Variants in DNAH14 observed in about 807,000 individuals in gnomAD.
DNAH14 encodes dynein axonemal heavy chain 14.
DNAH14 carries 478 observed loss-of-function variants against 520.9 expected under a neutral mutation model. That is an observed-to-expected ratio of 0.92 (90% CI 0.85 to 0.99). The LOEUF (loss-of-function observed/expected upper bound fraction) is 0.99, where lower values mean the gene tolerates loss of function less well. DNAH14 is among the 50% of genes least tolerant of loss of function. The pLI is 0.00. For synonymous variants in DNAH14, 1,581 were observed against 1,757.2 expected, an observed-to-expected ratio of 0.90 and a Z score of 2.51; for missense variants, 4,831 against 5,234.5, an observed-to-expected ratio of 0.92 and a Z score of 2.38.
chr1:224,962,799 A>G (rs1412563817), intron 4 of DNAH14, among the ~76,000 whole-genome samples: 1 of 152,066 alleles, frequency 6.6e-6, no homozygotes, highest in Non-Finnish European at 1.5e-5. Flanking sequence ...ATATTTTACT[A>G]TTTATTCTGA....
At chr1:225,214,580 T>C (rs1178795820) in intron 41 of DNAH14, among the ~76,000 whole-genome samples, 1 of 152,196 alleles carries the variant, frequency 6.6e-6, no homozygotes, top group Non-Finnish European at 1.5e-5. Context: ...TGCCTCAATT[T>C]CAGAGTCTGT....
intron 10 of DNAH14, among the ~76,000 whole-genome samples, chr1:225,022,245 A>G (rs925699564): frequency 4.6e-5 from 7 of 152,198 alleles, no homozygotes; most frequent in Non-Finnish European, 1.0e-4. Context: ...AACAAAATTG[A>G]TAAGTGGGAC....
At chr1:225,358,978 C>T (rs150416493) in intron 74 of DNAH14, among the ~76,000 whole-genome samples, 3 of 152,334 alleles carry the variant, frequency 2.0e-5, no homozygotes, top group Non-Finnish European at 2.9e-5. Context: ...CCATGCAGAA[C>T]TGCGAGCGAA....
chr1:225,049,047 ATTTTTTTTTTTTTTTTTTTT>A (rs71170051), intron 15 of DNAH14, among the ~76,000 whole-genome samples: 14 of 56,278 alleles, frequency 2.5e-4, no homozygotes, highest in Non-Finnish European at 4.1e-4. Flanking sequence ...TCTCTTGCCT[ATTTTTTTTTTTTTTTTTTTT>A]TTTTTTTTTT....
chr1:225,270,250 C>T (rs1178502380), intron 49 of DNAH14, among the ~76,000 whole-genome samples: 4 of 117,728 alleles, frequency 3.4e-5, no homozygotes, highest in African/African-American at 8.2e-5. Flanking sequence ...CATGTTCTCA[C>T]TCATAGGTGG....
At chr1:225,111,001 C>T (rs2076432707) in intron 23 of DNAH14, among the ~76,000 whole-genome samples, 1 of 151,998 alleles carries the variant, frequency 6.6e-6, no homozygotes. Context: ...GGTATTATTT[C>T]AGTGTTTTTG....
intron 11 of DNAH14, among the ~76,000 whole-genome samples, chr1:225,033,940 A>G (rs2148132355): frequency 6.6e-6 from 1 of 152,290 alleles, no homozygotes; most frequent in African/African-American, 2.4e-5. Flanking sequence ...ACTTTGCTAA[A>G]GCTGTTTATC....
At chr1:225,058,615 G>A (rs1257035180) in intron 17 of DNAH14, among the ~76,000 whole-genome samples, 9 of 152,128 alleles carry the variant, frequency 5.9e-5, no homozygotes, top group Non-Finnish European at 1.2e-4. Flanking sequence ...TCTTTTAATT[G>A]TGATGTTAGG....
chr1:225,160,319 C>A (rs899118381), intron 35 of DNAH14, among the ~76,000 whole-genome samples: 3 of 152,204 alleles, frequency 2.0e-5, no homozygotes, highest in Non-Finnish European at 4.4e-5. Context: ...CAAAAAAATA[C>A]TTTTAAAATT....
intron 8 of DNAH14, among the ~76,000 whole-genome samples, chr1:224,987,339 A>T (rs1389692806): frequency 6.6e-6 from 1 of 152,166 alleles, no homozygotes; most frequent in African/African-American, 2.4e-5. Context: ...GAAGAGAGAG[A>T]CAGAATTATC....
At chr1:225,308,797 T>C (rs2094299911) in intron 60 of DNAH14, among the ~76,000 whole-genome samples, 1 of 152,234 alleles carries the variant, frequency 6.6e-6, no homozygotes, top group Non-Finnish European at 1.5e-5. Flanking sequence ...TGAATAATCC[T>C]CTTTTTAAAT....
At chr1:225,189,143 G>A (rs1312553649) in intron 37 of DNAH14, among the ~76,000 whole-genome samples, 1 of 151,670 alleles carries the variant, frequency 6.6e-6, no homozygotes, top group Non-Finnish European at 1.5e-5. Context: ...CTATTGTAGT[G>A]GGTTACATTG....
At chr1:224,993,673 C>CT (rs964781892) in intron 8 of DNAH14, among the ~76,000 whole-genome samples, 8 of 151,648 alleles carry the variant, frequency 5.3e-5, no homozygotes, top group African/African-American at 1.9e-4. Context: ...TTTCTAGACT[C>CT]TATTTTATTT....
chr1:225,305,230 G>T, intron 58 of DNAH14, 141 bp downstream of exon 58: 1 of 1,018,776 alleles, frequency 9.8e-7, no homozygotes, highest in Non-Finnish European at 1.4e-6. Context: ...TCTTAAAAGA[G>T]ATAAGGTTGA....
chr1:225,123,625 G>T lies in DNAH14; in HGVS notation c.4254+11G>T. On this transcript the variant is annotated intron_variant, in intron 27 of 85. Transcript: ENST00000682510. Reference sequence around the variant, plus strand: ...GTGGTACTTACTGTGGTAAGTTAATGCTGCTTTGATGTATGTATACAGGGA... The same window carrying T: ...GTGGTACTTACTGTGGTAAGTTAATTCTGCTTTGATGTATGTATACAGGGA... 1 of 411,776 alleles carries T rather than the reference G, an allele frequency of 2.4e-6. No individual in the cohort carries two copies. Among genetic ancestry groups the T allele is most frequent in the Non-Finnish European group, 5.1e-6 (1 of 197,396 alleles). The allele number at this position is 411,776 out of a possible 1,614,324, so 25.5% of individuals were successfully genotyped here.
intron 7 of DNAH14, among the ~76,000 whole-genome samples, chr1:224,970,386 C>T (rs898334276): frequency 5.9e-5 from 9 of 152,114 alleles, no homozygotes; most frequent in African/African-American, 1.2e-4. Flanking sequence ...AATTTCGCCC[C>T]GGTCCTGTGG....
chr1:225,086,151 G>T (rs2073760629), intron 21 of DNAH14, among the ~76,000 whole-genome samples: 1 of 150,980 alleles, frequency 6.6e-6, no homozygotes, highest in South Asian at 2.1e-4. Context: ...ATTATTTTTT[G>T]AGACAGAGTC....
At chr1:225,263,550 G>C (rs1005152885) in intron 46 of DNAH14, among the ~76,000 whole-genome samples, 1 of 151,636 alleles carries the variant, frequency 6.6e-6, no homozygotes, top group Non-Finnish European at 1.5e-5. Context: ...CATATATCTT[G>C]ATTTCCTCTG....
intron 1 of DNAH14, among the ~76,000 whole-genome samples, chr1:224,930,742 C>T (rs977603370): frequency 2.6e-5 from 4 of 152,114 alleles, no homozygotes; most frequent in Admixed American, 6.5e-5. Flanking sequence ...GGACTACAGG[C>T]GTCCTCCACC....
Sources: allele counts gnomAD v4.1 joint callset (sites outside exome capture counted in the v4.1 genomes callset), GRCh38; gene constraint gnomAD v4.1.1; transcripts MANE v1.5; gene names NCBI Gene and HGNC (gene_info 2026-07-23, HGNC 2026-07-21).